ATAD2: variants seen among roughly 807,000 people sequenced by gnomAD.
The protein encoded by ATAD2 is ATPase family AAA domain containing 2.
In ATAD2, 62 loss-of-function variants were observed where a neutral mutation model predicts 168.9. The observed-to-expected ratio is 0.37, with a 90% CI of 0.30 to 0.45. ATAD2 has a LOEUF of 0.45. Ranked by LOEUF, ATAD2 falls within the 20% of genes least tolerant of loss-of-function variation. ATAD2 has a pLI of 1.00. For missense variants in ATAD2, 1,419 were observed against 1,667.8 expected, an observed-to-expected ratio of 0.85 and a Z score of 2.60; for synonymous variants, 613 against 571.6, an observed-to-expected ratio of 1.07 and a Z score of -1.03.
intron 11 of ATAD2, among the ~76,000 whole-genome samples, chr8:123,359,011 T>C (rs1828730140): frequency 1.3e-5 from 2 of 152,116 alleles, no homozygotes; most frequent in South Asian, 4.1e-4. Context: ...GCCCAGTATA[T>C]TACTTTTATG....
intron 1 of ATAD2, among the ~76,000 whole-genome samples, chr8:123,386,659 TTTATG>T (rs1309607002): frequency 6.6e-6 from 1 of 152,132 alleles, no homozygotes; most frequent in Non-Finnish European, 1.5e-5. Context: ...AACGGTCAAT[TTTATG>T]TTATGTATAT....
Position 123,360,033 on chromosome 8 carries a change from A to C in ATAD2, c.1158-348T>G, listed in dbSNP as rs530539993. Among the ~76,000 whole-genome samples the C allele has an allele frequency of 2.5e-3, 388 of 152,330 alleles. 2 individuals are homozygous for C. The highest frequency in any genetic ancestry group is 4.6e-3 in the Non-Finnish European group (311 of 68,030). ...AGACAGGGTATTTACCATTTGCCAGACACTGTTTTAGTTTTAGGTGCTTTA... is the reference window on the plus strand; with the variant it reads ...AGACAGGGTATTTACCATTTGCCAGCCACTGTTTTAGTTTTAGGTGCTTTA... On this transcript the variant is annotated intron_variant, in intron 9 of 27. Transcript: ENST00000287394.
At chr8:123,334,458 G>A (rs1181417581) in intron 22 of ATAD2, 136 bp from the exon 23 acceptor site, 2 of 861,332 alleles carry the variant, frequency 2.3e-6, no homozygotes, top group Non-Finnish European at 3.3e-6. Flanking sequence ...CAAAGTTACT[G>A]GAATTGTCCT....
chr8:123,409,769 G>C (rs1376099444), intron 1 of ATAD2, among the ~76,000 whole-genome samples: 3 of 151,650 alleles, frequency 2.0e-5, no homozygotes, highest in Non-Finnish European at 2.9e-5. Flanking sequence ...GTTTAGTTTT[G>C]TACTAAAAAT....
At position 123,376,733 on chromosome 8, in the gene ATAD2, T is replaced by C. The variant is rs1215452059; in HGVS notation, c.320+3796A>G. Among the ~76,000 whole-genome samples the C allele has an allele frequency of 4.6e-5, 7 of 151,674 alleles. No homozygotes were observed. In the South Asian group the frequency reaches 6.2e-4, roughly 14 times the overall value. On this transcript the variant is annotated intron_variant, in intron 2 of 27. Coordinates refer to ENST00000287394, the MANE Select transcript of ATAD2 (RefSeq NM_014109.4). ...ACTTTGGGAGGCTGAGGCAGGGGGA[T>C]TGCTAGAGTCCAAAAAAGTTCAAGA...
At chr8:123,399,655 G>C (rs1335839699), upstream of ATAD2, among the ~76,000 whole-genome samples, 1 of 151,968 alleles carries the variant, frequency 6.6e-6, no homozygotes, top group Non-Finnish European at 1.5e-5. Context: ...GGGAGTTCTA[G>C]AGCAGCCTGA....
intron 22 of ATAD2, among the ~76,000 whole-genome samples, chr8:123,335,490 G>A (rs1039960444): frequency 2.0e-5 from 3 of 152,120 alleles, no homozygotes; most frequent in African/African-American, 7.2e-5. Flanking sequence ...CCAATGTACT[G>A]GAGGAGAAAT....
intron 21 of ATAD2, among the ~76,000 whole-genome samples, chr8:123,336,900 G>C (rs1231750383): frequency 6.6e-6 from 1 of 151,952 alleles, no homozygotes; most frequent in Non-Finnish European, 1.5e-5. Context: ...CCAGCACTTT[G>C]GGAGGCTGAG....
At position 123,320,974 on chromosome 8, in the gene ATAD2, A is replaced by C. The variant is rs878873543; in HGVS notation, c.*160T>G. The C allele has an allele frequency of 4.7e-6, 3 of 637,378 alleles. No individual in the cohort carries two copies. The African/African-American group carries it at 5.7e-5, about 12-fold the overall frequency. 39.5% of individuals were successfully genotyped at this position (637,378 alleles called of 1,614,324 possible). On this transcript the variant is annotated 3_prime_UTR_variant, in exon 28 of 28. Transcript: ENST00000287394. ...TTATCTTACACATGACATTTATCTT[A>C]ATATGTACATAAATATCAGGAAAGT...
At chr8:123,413,753 A>G (rs1813198094) in intron 1 of ATAD2, among the ~76,000 whole-genome samples, 1 of 152,210 alleles carries the variant, frequency 6.6e-6, no homozygotes, top group Non-Finnish European at 1.5e-5. Flanking sequence ...AAAAAGCTCC[A>G]GGAAGATGGA....
rs756903115 is a variant in ATAD2, at chr8:123,369,952, T to C, written c.800A>G (p.Asp267Gly). 8.9e-6 allele frequency: 14 copies of C among 1,580,560 alleles called. No homozygotes were observed. Among genetic ancestry groups the C allele is most frequent in the Non-Finnish European group, 1.2e-5 (14 of 1,152,166 alleles). Reference protein sequence around the residue: ...GEDEDDEDDDDDDDDDDDDDD... With the variant: ...GEDEDDEDDDGDDDDDDDDDD... ...ATCATCATCATCATCATCGTCATCA[T>C]CATCATCATCTTCATCATCTTCATC... The change falls in exon 7 of 28, where the codon GAT becomes GGT. Residue 267 changes from aspartate to glycine, a missense_variant. Around this residue, in one of 5 missense-constraint regions of ATAD2, gnomAD observed 419 missense variants for 423.5 expected, o/e 0.99. Transcript: ENST00000287394.
intron 1 of ATAD2, 164 bp from the exon 2 acceptor site, chr8:123,380,841 T>C: frequency 1.6e-6 from 1 of 638,146 alleles, no homozygotes; most frequent in Middle Eastern, 4.3e-4. Context: ...AGAAAAACCA[T>C]TTCATGATAA....
chr8:123,344,701 C>G (rs750872535), intron 19 of ATAD2, 183 bp downstream of exon 19: 1 of 642,360 alleles, frequency 1.6e-6, no homozygotes, highest in South Asian at 1.9e-5. Flanking sequence ...TATACATACA[C>G]ATATACATAT....
rs113289417 is a variant in ATAD2 at position 123,386,152 on chromosome 8, T to C, written c.172-5475A>G. 1.2e-3 allele frequency among the ~76,000 whole-genome samples: 185 copies of C among 152,306 alleles called. 1 individual carries two copies. The highest frequency in any genetic ancestry group is 1.1e-3 in the Non-Finnish European group (75 of 68,010). On this transcript the variant is annotated intron_variant, in intron 1 of 27. Transcript: ENST00000287394. ...AAAAGTTAAACACAAAATTTCTATA[T>C]GATCCAGCAATTCCACTTTTGGGTA... is the stretch of plus-strand genomic sequence containing the variant.
chr8:123,372,869 C>T (rs934136787), intron 2 of ATAD2, among the ~76,000 whole-genome samples, 183 bp from the exon 3 acceptor site: 9 of 151,580 alleles, frequency 5.9e-5, no homozygotes, highest in African/African-American at 2.2e-4. Context: ...GGTAGAACTA[C>T]ACACCTCACT....
At chr8:123,342,826 A>T (rs977123642) in intron 19 of ATAD2, among the ~76,000 whole-genome samples, 2 of 151,922 alleles carry the variant, frequency 1.3e-5, no homozygotes, top group African/African-American at 4.8e-5. Context: ...CTGCTCTATC[A>T]TCCTGGCCTT....
At chr8:123,360,517 A>G (rs534715178) in intron 9 of ATAD2, among the ~76,000 whole-genome samples, 3 of 152,104 alleles carry the variant, frequency 2.0e-5, no homozygotes, top group African/African-American at 7.2e-5. Flanking sequence ...TAATTTTTGT[A>G]CTTTTAGTCG....
chr8:123,320,805 C>T lies in ATAD2; in HGVS notation c.*329G>A, dbSNP rs1329361331. 4.4e-6 allele frequency: 1 copy of T among 227,290 alleles called. No individual in the cohort carries two copies. Among genetic ancestry groups the T allele is most frequent in the African/African-American group, 2.3e-5 (1 of 43,458 alleles). 14.1% of individuals were successfully genotyped at this position (227,290 alleles called of 1,614,324 possible). ...AGGATAAAATTAAAAGTGCTTAATA[C>T]AAACAAAATTTAACGCTGCTAATTA... On this transcript the variant is annotated 3_prime_UTR_variant, in exon 28 of 28. Coordinates refer to ENST00000287394, the MANE Select transcript of ATAD2 (RefSeq NM_014109.4).
rs1829360803 is a variant in ATAD2, at chr8:123,377,622, T to C, written c.320+2907A>G. 2.6e-5 allele frequency among the ~76,000 whole-genome samples: 4 copies of C among 152,246 alleles called. No homozygotes were observed. In the South Asian group the frequency reaches 8.3e-4, roughly 32 times the overall value. On this transcript the variant is annotated intron_variant, in intron 2 of 27. Transcript: ENST00000287394. The stretch of plus-strand genomic sequence containing the variant: ...TAAAATGAAATAACCATTTGGTGTA[T>C]GAATGTGGTATTGACTGCTATCAGT...
Sources: gnomAD v4.1 joint callset for allele counts (sites outside exome capture counted in the v4.1 genomes callset) on GRCh38, gnomAD v4.1.1 for gene constraint, gnomAD v4.1.1 regional missense constraint, MANE v1.5 for transcripts, NCBI Gene and HGNC (gene_info 2026-07-23, HGNC 2026-07-21) for gene names.